LRBA: variants seen among roughly 807,000 people sequenced by gnomAD.
The protein encoded by LRBA is lipopolysaccharide-responsive and beige-like anchor protein.
A neutral mutation model predicts 330.0 loss-of-function variants in LRBA; 176 were observed. The ratio of observed to expected loss-of-function variants is 0.53; its 90% CI spans 0.47 to 0.60. The LOEUF (loss-of-function observed/expected upper bound fraction) is 0.60. LRBA is among the 20% of genes least tolerant of loss of function. The pLI is 0.00. For synonymous variants in LRBA, 1,230 were observed against 1,193.0 expected (o/e 1.03, Z -0.64); for missense variants, 3,259 against 3,444.8 (o/e 0.95, Z 1.35).
At chr4:150,792,369 G>A (rs1269141651) in intron 34 of LRBA, among the ~76,000 whole-genome samples, 1 of 152,150 alleles carries the variant, frequency 6.6e-6, no homozygotes, top group African/African-American at 2.4e-5. Flanking sequence ...TGACAGAGGA[G>A]GGGATTGATT....
At chr4:150,688,453 T>C (rs1177275604) in intron 36 of LRBA, among the ~76,000 whole-genome samples, 1 of 152,156 alleles carries the variant, frequency 6.6e-6, no homozygotes, top group African/African-American at 2.4e-5. Context: ...AATTGACAAA[T>C]GGGATCTAAT....
intron 37 of LRBA, among the ~76,000 whole-genome samples, chr4:150,667,071 T>C (rs990172713): frequency 6.6e-6 from 1 of 152,196 alleles, no homozygotes; most frequent in African/African-American, 2.4e-5. Context: ...AACCCATGTC[T>C]GCTTTACTTA....
chr4:150,843,360 G>GT lies in LRBA; in HGVS notation c.4569+739dup, dbSNP rs1455528043. Among the ~76,000 whole-genome samples, 3 of 152,056 alleles carry GT rather than the reference G, an allele frequency of 2.0e-5. No homozygotes were observed. The East Asian group carries it at 5.8e-4, about 29-fold the overall frequency. Reference sequence around the variant, plus strand: ...AAGAAATATATATGTAAAACATACAGTAAGTGTTCAACAAATATTTACTAA... The same window carrying GT: ...AAGAAATATATATGTAAAACATACAGTTAAGTGTTCAACAAATATTTACTAA... On this transcript the variant is annotated intron_variant, in intron 28 of 56. Transcript: ENST00000651943.
chr4:150,706,594 T>C (rs779017513), intron 36 of LRBA, among the ~76,000 whole-genome samples: 7 of 150,684 alleles, frequency 4.6e-5, no homozygotes, highest in Admixed American at 1.3e-4. Context: ...TATCCACACA[T>C]TTAACAAAAA....
chr4:150,884,719 T>C (rs763669447), intron 17 of LRBA, among the ~76,000 whole-genome samples: 7 of 151,500 alleles, frequency 4.6e-5, no homozygotes, highest in African/African-American at 9.7e-5. Context: ...CCAACAACCA[T>C]AGAAAAACAA....
intron 37 of LRBA, among the ~76,000 whole-genome samples, chr4:150,643,019 C>T (rs1020108494): frequency 7.2e-5 from 11 of 151,862 alleles, no homozygotes; most frequent in Non-Finnish European, 1.2e-4. Context: ...ATTTAACCCA[C>T]ATAAAAATTT....
At chr4:150,662,788 G>A (rs779310132) in intron 37 of LRBA, among the ~76,000 whole-genome samples, 4 of 152,086 alleles carry the variant, frequency 2.6e-5, no homozygotes, top group African/African-American at 7.2e-5. Flanking sequence ...GCAACACAGC[G>A]AGATTCTGTC....
intron 13 of LRBA, among the ~76,000 whole-genome samples, chr4:150,904,258 C>G (rs576064862): frequency 1.1e-3 from 163 of 152,156 alleles, no homozygotes; most frequent in Non-Finnish European, 2.0e-3. Context: ...ATATTGTATT[C>G]TTCTTCTTAA....
At chr4:150,548,643 T>A (rs540981128) in intron 40 of LRBA, among the ~76,000 whole-genome samples, 95 of 152,212 alleles carry the variant, frequency 6.2e-4, no homozygotes, top group African/African-American at 1.8e-3. Flanking sequence ...TAAAAAAAAA[T>A]TTAAGAAATG....
At chr4:150,485,189 C>G (rs1757726691) in intron 42 of LRBA, among the ~76,000 whole-genome samples, 1 of 151,902 alleles carries the variant, frequency 6.6e-6, no homozygotes, top group Non-Finnish European at 1.5e-5. Flanking sequence ...TTTTTGTCTA[C>G]CTGTTCTCTA....
intron 12 of LRBA, 42 bp from the exon 13 acceptor site, chr4:150,906,032 A>C: frequency 6.4e-7 from 1 of 1,567,716 alleles, no homozygotes. Context: ...AATTCAAGTC[A>C]AAGTAAGTGA....
intron 54 of LRBA, among the ~76,000 whole-genome samples, chr4:150,282,988 A>G (rs1747729862): frequency 6.6e-6 from 1 of 152,188 alleles, no homozygotes; most frequent in South Asian, 2.1e-4. Flanking sequence ...GCACAGCTTC[A>G]AGGAGGCTGG....
intron 48 of LRBA, among the ~76,000 whole-genome samples, chr4:150,334,504 A>G (rs897441750): frequency 6.6e-6 from 1 of 151,912 alleles, no homozygotes; most frequent in Non-Finnish European, 1.5e-5. Context: ...ATGTATGTGT[A>G]TATATATATA....
intron 2 of LRBA, among the ~76,000 whole-genome samples, chr4:150,980,485 CAA>C (rs1243233737): frequency 6.6e-6 from 1 of 152,098 alleles, no homozygotes; most frequent in Non-Finnish European, 1.5e-5. Flanking sequence ...AGCAATCAGA[CAA>C]GAGAAAGAAA....
At chr4:150,958,473 A>T (rs1156922578) in intron 2 of LRBA, among the ~76,000 whole-genome samples, 1 of 149,216 alleles carries the variant, frequency 6.7e-6, no homozygotes, top group Admixed American at 6.6e-5. Context: ...CTGTGATGGG[A>T]GGGGCTTCTG....
chr4:150,838,777 C>A (rs1213799059), intron 28 of LRBA, among the ~76,000 whole-genome samples: 2 of 152,164 alleles, frequency 1.3e-5, no homozygotes, highest in Non-Finnish European at 2.9e-5. Flanking sequence ...CCATCTGAAG[C>A]TTTCTTCTCT....
intron 40 of LRBA, among the ~76,000 whole-genome samples, chr4:150,567,249 T>C (rs1769253460): frequency 6.6e-6 from 1 of 152,132 alleles, no homozygotes; most frequent in South Asian, 2.1e-4. Flanking sequence ...GATCTCTATA[T>C]ATTATCTGAT....
At chr4:150,702,300 C>T (rs1785196220) in intron 36 of LRBA, among the ~76,000 whole-genome samples, 1 of 152,120 alleles carries the variant, frequency 6.6e-6, no homozygotes. Flanking sequence ...CTAATCTTTA[C>T]ACAGCTCAAG....
intron 56 of LRBA, among the ~76,000 whole-genome samples, chr4:150,274,570 A>G (rs1035923971): frequency 2.0e-5 from 3 of 152,208 alleles, no homozygotes; most frequent in Non-Finnish European, 4.4e-5. Context: ...ACAAGAAAAG[A>G]GAGAAGAATC....
Sources: gnomAD v4.1 joint callset for allele counts (sites outside exome capture counted in the v4.1 genomes callset) on GRCh38, gnomAD v4.1.1 for gene constraint, MANE v1.5 for transcripts, NCBI Gene and HGNC (gene_info 2026-07-23, HGNC 2026-07-21) for gene names.